Variants in MYH9 observed in about 807,000 individuals in gnomAD.
MYH9 encodes the protein myosin-9.
In MYH9, 29 loss-of-function variants were observed where a neutral mutation model predicts 241.9. The observed-to-expected ratio is 0.12, with a 90% CI of 0.09 to 0.16. The LOEUF (loss-of-function observed/expected upper bound fraction) is 0.16. Among genes scored for constraint, MYH9 ranks in the 10% least tolerant of loss-of-function variants. MYH9 has a pLI of 1.00. For missense variants in MYH9, 1,803 were observed against 2,595.5 expected (o/e 0.69, Z 6.63); for synonymous variants, 1,047 against 1,062.6 (o/e 0.99, Z 0.29).
intron 15 of MYH9, among the ~76,000 whole-genome samples, chr22:36,308,285 T>C (rs1370194225): frequency 6.7e-6 from 1 of 150,294 alleles, no homozygotes; most frequent in Non-Finnish European, 1.5e-5. Flanking sequence ...TTTTTTTTTT[T>C]GAGGCAGGGT....
intron 30 of MYH9, 32 bp from the exon 31 acceptor site, chr22:36,292,266 G>A (rs1025748585): frequency 1.7e-5 from 28 of 1,612,352 alleles, no homozygotes; most frequent in Admixed American, 6.7e-5. Context: ...GCAGATGCCC[G>A]AGATGGCACC....
intron 15 of MYH9, 93 bp downstream of exon 15, chr22:36,309,189 T>C: frequency 9.5e-7 from 1 of 1,054,394 alleles, no homozygotes; most frequent in Non-Finnish European, 1.5e-6. Context: ...GGCACATGTG[T>C]ACCCCTTGTT....
intron 1 of MYH9, among the ~76,000 whole-genome samples, chr22:36,357,980 A>G (rs749335668): frequency 1.3e-5 from 2 of 152,172 alleles, no homozygotes; most frequent in Non-Finnish European, 1.5e-5. Flanking sequence ...TGCGACTCAT[A>G]AGCAAAGTCA....
In MYH9 at chr22:36,305,166, T is replaced by C. The variant is rs932788473; in HGVS notation, c.2160-64A>G. The C allele has an allele frequency of 2.0e-5, 26 of 1,321,366 alleles. No individual in the cohort carries two copies. Among genetic ancestry groups the C allele is most frequent in the Middle Eastern group, 3.6e-4 (2 of 5,568 alleles). The allele number at this position is 1,321,366 out of a possible 1,614,324, so 81.9% of individuals were successfully genotyped here. ...GCCTCGATTCCACATGCCTGGAATA[T>C]AGGCGAGAGATTAACATCATTTCTA... is the stretch of plus-strand genomic sequence containing the variant. On this transcript the variant is annotated intron_variant, in intron 17 of 40. Coordinates refer to ENST00000216181, the MANE Select transcript of MYH9 (RefSeq NM_002473.6). This position sits in a 1 kb window ranked among gnomAD's most constrained non-coding sequence, Gnocchi z 4.7.
At position 36,323,754 on chromosome 22, in the gene MYH9, C is replaced by A. The variant is rs774103344; in HGVS notation, c.613-1233G>T. Reference sequence around the variant, plus strand: ...TCTGGCAGCCCTCCTAGGCCAGGACCCCCCAACCCAGGGCTAGGAAGCCTT... The same window carrying A: ...TCTGGCAGCCCTCCTAGGCCAGGACACCCCAACCCAGGGCTAGGAAGCCTT... On this transcript the variant is annotated intron_variant, in intron 5 of 40. Coordinates refer to ENST00000216181, the MANE Select transcript of MYH9 (RefSeq NM_002473.6). 4.6e-5 allele frequency among the ~76,000 whole-genome samples: 7 copies of A among 152,082 alleles called. 1 individual carries two copies. Among genetic ancestry groups the A allele is most frequent in the Non-Finnish European group, 8.8e-5 (6 of 67,980 alleles).
chr22:36,320,675 C>G lies in MYH9; in HGVS notation c.868+123G>C, dbSNP rs770017563. 20 of 822,930 alleles carry G rather than the reference C, an allele frequency of 2.4e-5. No homozygotes were observed. Among genetic ancestry groups the G allele is most frequent in the African/African-American group, 5.1e-5 (3 of 59,108 alleles). The allele number at this position is 822,930 out of a possible 1,614,324, so 51.0% of individuals were successfully genotyped here. On this transcript the variant is annotated intron_variant, in intron 8 of 40. Transcript: ENST00000216181. This position sits in a 1 kb window ranked among gnomAD's most constrained non-coding sequence, Gnocchi z 4.8. ...TGGCGCAGAGAACAGGAGTCACTCT[C>G]ACTTCTCCCCGTTAAACCCAAGGCC...
intron 3 of MYH9, among the ~76,000 whole-genome samples, chr22:36,328,293 T>C (rs189058003): frequency 6.6e-6 from 1 of 152,312 alleles, no homozygotes; most frequent in East Asian, 1.9e-4. Context: ...CCTCCCCCAG[T>C]ACAGGAGGGG....
chr22:36,364,883 G>C (rs1260210987), intron 1 of MYH9: 1 of 152,276 alleles, frequency 6.6e-6, no homozygotes, highest in Non-Finnish European at 1.5e-5. Context: ...TTTGCAGCTT[G>C]ACTTGGGCCC....
At chr22:36,326,149 C>G (rs558535980) in intron 5 of MYH9, among the ~76,000 whole-genome samples, 30 of 152,262 alleles carry the variant, frequency 2.0e-4, no homozygotes, top group African/African-American at 6.7e-4. Flanking sequence ...TGGCTGTCCA[C>G]CCAGAGGCAT....
At position 36,320,103 on chromosome 22, in the gene MYH9, C is replaced by T; in HGVS notation, c.1012+117G>A. On this transcript the variant is annotated intron_variant, in intron 9 of 40. Coordinates refer to ENST00000216181, the MANE Select transcript of MYH9 (RefSeq NM_002473.6). This position sits in a 1 kb window ranked among gnomAD's most constrained non-coding sequence, Gnocchi z 4.8. ...ATTTTCCCATACACTGAAGGCCTTCCCCTTCCCCTGGCCTCTAGCAGGCTC... is the reference window on the plus strand; with the variant it reads ...ATTTTCCCATACACTGAAGGCCTTCTCCTTCCCCTGGCCTCTAGCAGGCTC... 1 of 1,417,154 alleles carries T rather than the reference C, an allele frequency of 7.1e-7. No individual in the cohort carries two copies. The highest frequency in any genetic ancestry group is 1.2e-5 in the South Asian group (1 of 85,874). The allele number at this position is 1,417,154 out of a possible 1,614,324, so 87.8% of individuals were successfully genotyped here.
At chr22:36,292,265 C>T (rs1474123568) in intron 30 of MYH9, 31 bp from the exon 31 acceptor site, 23 of 1,612,440 alleles carry the variant, frequency 1.4e-5, no homozygotes, top group East Asian at 6.7e-5. Flanking sequence ...AGCAGATGCC[C>T]GAGATGGCAC....
At chr22:36,370,163 A>G (rs1408465724) in intron 1 of MYH9, among the ~76,000 whole-genome samples, 1 of 152,192 alleles carries the variant, frequency 6.6e-6, no homozygotes, top group Non-Finnish European at 1.5e-5. Flanking sequence ...AGGCACAAAG[A>G]AAGATTGTAT....
intron 21 of MYH9, 43 bp from the exon 22 acceptor site, chr22:36,301,100 T>A (rs778058530): frequency 9.6e-6 from 15 of 1,559,480 alleles, no homozygotes; most frequent in Admixed American, 5.3e-5. Context: ...CGCAACACCC[T>A]CAAGCCACTC....
chr22:36,326,718 G>A, intron 4 of MYH9, 57 bp from the exon 5 acceptor site: 6 of 1,442,282 alleles, frequency 4.2e-6, no homozygotes, highest in South Asian at 1.1e-5. Flanking sequence ...CTTGACCTCT[G>A]TCCCTTCCCA....
At chr22:36,318,794 G>A (rs983036067) in intron 10 of MYH9, among the ~76,000 whole-genome samples, 11 of 151,172 alleles carry the variant, frequency 7.3e-5, no homozygotes, top group African/African-American at 2.4e-4. Flanking sequence ...ACGGCGTCTT[G>A]CTCTTGTTGC....
chr22:36,306,000 C>T lies in MYH9; in HGVS notation c.2089G>A (p.Val697Ile). 6.2e-7 allele frequency: 1 copy of T among 1,613,420 alleles called. No homozygotes were observed. Residue 697 changes from valine to isoleucine, a missense_variant, in exon 17 of 41, where the codon GTT becomes ATT. This residue lies in a region of MYH9 where 163 missense variants were observed against 349.7 expected (regional missense o/e 0.47). Coordinates refer to ENST00000216181, the MANE Select transcript of MYH9 (RefSeq NM_002473.6). The surrounding 1 kb of genome is among the most constrained non-coding windows in gnomAD (Gnocchi z 4.7). ...LVLDQLRCNG[V>I]LEGIRICRQG... ...CGGCAGATACGGATGCCCTCGAGAA[C>T]ACCGTTGCAGCGCAGCTGGTCCAGC... is the stretch of plus-strand genomic sequence containing the variant.
At position 36,342,135 on chromosome 22, in the gene MYH9, G is replaced by A. The variant is rs187821627; in HGVS notation, c.334-609C>T. ...CTCAAACACTTTAAGACTATTTCAC[G>A]TCCCCCGTGAGCCTTCTCCAAGACT... On this transcript the variant is annotated intron_variant, in intron 2 of 40. Transcript: ENST00000216181. 6.0e-4 allele frequency among the ~76,000 whole-genome samples: 91 copies of A among 152,220 alleles called. 1 individual carries two copies. Among genetic ancestry groups the A allele is most frequent in the African/African-American group, 3.1e-4 (13 of 41,548 alleles).
At chr22:36,291,899 G>A in intron 31 of MYH9, 87 bp downstream of exon 31, 1 of 1,600,306 alleles carries the variant, frequency 6.2e-7, no homozygotes, top group Non-Finnish European at 8.5e-7. Context: ...CCCTGAGGGA[G>A]CCCAGGCTTT....
Position 36,295,420 on chromosome 22 carries a change from G to GTT in MYH9, c.3485+84_3485+85insAA. ...GGCCACGGTGTGTGTGTGTGTGTGT[G>GTT]TGCAGAGGCCCGGGGTCCATGTCTC... is the stretch of plus-strand genomic sequence containing the variant. On this transcript the variant is annotated intron_variant, in intron 26 of 40. Coordinates refer to ENST00000216181, the MANE Select transcript of MYH9 (RefSeq NM_002473.6). The surrounding 1 kb of genome is among the most constrained non-coding windows in gnomAD (Gnocchi z 4.1). 3 of 1,077,628 alleles carry GTT rather than the reference G, an allele frequency of 2.8e-6. No individual in the cohort carries two copies. Among genetic ancestry groups the GTT allele is most frequent in the Non-Finnish European group, 1.4e-6 (1 of 716,774 alleles). The allele number at this position is 1,077,628 out of a possible 1,614,324, so 66.8% of individuals were successfully genotyped here.
Sources: allele counts gnomAD v4.1 joint callset (sites outside exome capture counted in the v4.1 genomes callset), GRCh38; gene constraint gnomAD v4.1.1; regional missense constraint gnomAD v4.1.1; non-coding constraint Gnocchi (gnomAD v3.1); transcripts MANE v1.5; gene names NCBI Gene and HGNC (gene_info 2026-07-23, HGNC 2026-07-21).